Variants in ARSG observed in about 807,000 individuals in gnomAD.
ARSG encodes ASG.
ARSG carries 37 observed loss-of-function variants against 50.5 expected under a neutral mutation model. The ratio of observed to expected loss-of-function variants is 0.73; its 90% confidence interval spans 0.56 to 0.96. The LOEUF is 0.96. Among genes scored for constraint, ARSG ranks in the 50% least tolerant of loss-of-function variants. The pLI is 0.00. For synonymous variants in ARSG, 225 were observed against 254.6 expected (o/e 0.88, Z 1.11); for missense variants, 629 against 675.3 (o/e 0.93, Z 0.76).
At chr17:68,425,917 A>G (rs925165286), downstream of ARSG, 21 of 632,234 alleles carry the variant, frequency 3.3e-5, no homozygotes, top group Non-Finnish European at 5.2e-5. Context: ...CGAAGCACAC[A>G]GTACAACAAA....
intron 2 of ARSG, among the ~76,000 whole-genome samples, chr17:68,325,327 C>T (rs2077462534): frequency 6.6e-6 from 1 of 152,060 alleles, no homozygotes; most frequent in African/African-American, 2.4e-5. Flanking sequence ...CCCATCACCC[C>T]CAGATGGGAC....
chr17:68,417,851 C>G (rs2082490748), intron 11 of ARSG, among the ~76,000 whole-genome samples: 1 of 146,228 alleles, frequency 6.8e-6, no homozygotes, highest in Non-Finnish European at 1.5e-5. Context: ...CTGCCTCAGC[C>G]TCCCAGGTAG....
intron 11 of ARSG, among the ~76,000 whole-genome samples, chr17:68,416,837 TTCTA>T (rs1450448557): frequency 2.0e-5 from 3 of 152,198 alleles, no homozygotes; most frequent in Non-Finnish European, 2.9e-5. Flanking sequence ...TTTTTCTTTA[TTCTA>T]TCTATTTCCT....
the ARSG span, among the ~76,000 whole-genome samples, chr17:68,450,016 C>A: frequency 6.6e-6 from 1 of 152,134 alleles, no homozygotes; most frequent in Admixed American, 6.5e-5. Flanking sequence ...GTCTCAAAAA[C>A]AGAAACAACA....
chr17:68,450,678 T>C, the ARSG span: 1 of 1,548,992 alleles, frequency 6.5e-7, no homozygotes. Context: ...TCTTTTTGTT[T>C]GGCTCCCGTT....
At position 68,310,195 on chromosome 17, in the gene ARSG, G is replaced by A. The variant is rs181087781; in HGVS notation, c.218+2484G>A. Among the ~76,000 whole-genome samples the A allele has an allele frequency of 1.5e-4, 23 of 152,176 alleles. No individual in the cohort carries two copies. The East Asian group carries it at 4.5e-3, about 30-fold the overall frequency. On this transcript the variant is annotated intron_variant, in intron 2 of 11. Coordinates refer to ENST00000621439, the MANE Select transcript of ARSG (RefSeq NM_001267727.2). Reference sequence around the variant, plus strand: ...GTCTGGTCTCAAACTCCCAACCTCAGGTGATCCGCCCGTCTCGGCCTCCCA... The same window carrying A: ...GTCTGGTCTCAAACTCCCAACCTCAAGTGATCCGCCCGTCTCGGCCTCCCA...
intron 1 of ARSG, among the ~76,000 whole-genome samples, chr17:68,306,666 G>T (rs1368184830): frequency 1.3e-5 from 2 of 152,170 alleles, no homozygotes; most frequent in Non-Finnish European, 2.9e-5. Context: ...GCTGGTCCTG[G>T]TCCCACCCAG....
downstream of ARSG, among the ~76,000 whole-genome samples, chr17:68,424,782 CAGG>C (rs1177723051): frequency 6.6e-6 from 1 of 152,152 alleles, no homozygotes; most frequent in Admixed American, 6.5e-5. Context: ...GAGGCTGAGG[CAGG>C]AGAATTGCTT....
At chr17:68,284,384 ACT>A (rs1180347838) in intron 1 of ARSG, among the ~76,000 whole-genome samples, 4 of 152,176 alleles carry the variant, frequency 2.6e-5, no homozygotes, top group Non-Finnish European at 5.9e-5. Context: ...ACAGAGCAAG[ACT>A]CTGTCTAAAA....
At chr17:68,319,291 T>G (rs571117280) in intron 2 of ARSG, among the ~76,000 whole-genome samples, 6 of 152,214 alleles carry the variant, frequency 3.9e-5, no homozygotes, top group Non-Finnish European at 8.8e-5. Context: ...AGGCCAGCTT[T>G]GGGAGGTCCC....
At chr17:68,276,097 CTTTT>C (rs1295936506) in intron 1 of ARSG, among the ~76,000 whole-genome samples, 1 of 151,896 alleles carries the variant, frequency 6.6e-6, no homozygotes, top group Non-Finnish European at 1.5e-5. Context: ...CTCTCTCTCT[CTTTT>C]TTTATTTTTT....
chr17:68,439,685 A>G, the ARSG span, among the ~76,000 whole-genome samples: 1 of 152,216 alleles, frequency 6.6e-6, no homozygotes, highest in African/African-American at 2.4e-5. Context: ...AGGAATATTT[A>G]TCTGGTTAGA....
chr17:68,315,481 C>T (rs782329051), intron 2 of ARSG, among the ~76,000 whole-genome samples: 4 of 151,742 alleles, frequency 2.6e-5, no homozygotes, highest in Admixed American at 1.3e-4. Flanking sequence ...GAGCTATGAT[C>T]GTGTCACTGC....
chr17:68,436,993 C>CAA, the ARSG span, among the ~76,000 whole-genome samples: 1 of 124,672 alleles, frequency 8.0e-6, no homozygotes, highest in African/African-American at 2.8e-5. Context: ...GACCCCGTCT[C>CAA]AAAAAAAAAA....
the ARSG span, chr17:68,433,343 G>T: frequency 1.1e-6 from 1 of 922,838 alleles, no homozygotes; most frequent in Non-Finnish European, 1.7e-6. Context: ...CCATCACTTA[G>T]GTGAAGTCCC....
chr17:68,415,231 T>A (rs2082292784), intron 11 of ARSG, among the ~76,000 whole-genome samples: 1 of 152,202 alleles, frequency 6.6e-6, no homozygotes, highest in African/African-American at 2.4e-5. Context: ...GTCACTATTA[T>A]TCAGTTTGAA....
chr17:68,330,879 C>G (rs2077700401), intron 2 of ARSG, among the ~76,000 whole-genome samples: 1 of 151,376 alleles, frequency 6.6e-6, no homozygotes, highest in African/African-American at 2.4e-5. Context: ...GCAGGCTTTG[C>G]TGTCTCTGTC....
In ARSG at chr17:68,381,264, G is replaced by C. The variant is rs1261191645; in HGVS notation, c.983-3800G>C. 6.6e-6 allele frequency among the ~76,000 whole-genome samples: 1 copy of C among 152,172 alleles called. No homozygotes were observed. The highest frequency in any genetic ancestry group is 1.9e-4 in the East Asian group (1 of 5,204). ...AAATGCCACTTCACTTCCGTAACCA[G>C]AGAAGCACAAATAAGCAAATTCATG... On this transcript the variant is annotated intron_variant, in intron 8 of 11. Coordinates refer to ENST00000621439, the MANE Select transcript of ARSG (RefSeq NM_001267727.2). The surrounding 1 kb of genome is among the most constrained non-coding windows in gnomAD (Gnocchi z 4.1).
intron 1 of ARSG, among the ~76,000 whole-genome samples, chr17:68,280,478 T>G (rs1399118275): frequency 1.3e-5 from 2 of 152,086 alleles, no homozygotes; most frequent in Non-Finnish European, 2.9e-5. Flanking sequence ...AACCCTGAAA[T>G]TAATCCACAT....
Sources: gnomAD v4.1 joint callset for allele counts (sites outside exome capture counted in the v4.1 genomes callset) on GRCh38, gnomAD v4.1.1 for gene constraint, Gnocchi (gnomAD v3.1) non-coding constraint, MANE v1.5 for transcripts, NCBI Gene and HGNC (gene_info 2026-07-23, HGNC 2026-07-21) for gene names.